DSCAML1: variants seen among roughly 807,000 people sequenced by gnomAD.
DSCAML1 encodes the protein cell adhesion molecule DSCAML1.
DSCAML1 carries 38 observed loss-of-function variants against 200.5 expected under a neutral mutation model. The ratio of observed to expected loss-of-function variants is 0.19; its 90% CI spans 0.15 to 0.25. The LOEUF is 0.25. Ranked by LOEUF, DSCAML1 falls within the 10% of genes least tolerant of loss-of-function variation. The probability of loss-of-function intolerance (pLI) is 1.00; values close to 1 mark genes in which losing one functional copy is unlikely to be tolerated. For missense variants in DSCAML1, 2,223 were observed against 2,858.8 expected, an observed-to-expected ratio of 0.78 and a Z score of 5.07; for synonymous variants, 1,215 against 1,165.0, an observed-to-expected ratio of 1.04 and a Z score of -0.87.
At chr11:117,450,759 G>T (rs2048268161) in intron 19 of DSCAML1, 71 bp from the exon 20 acceptor site, 1 of 1,535,966 alleles carries the variant, frequency 6.5e-7, no homozygotes. Flanking sequence ...TGACAGAGTT[G>T]GGAGAGGGAG....
chr11:117,442,222 TAG>T (rs2048073118), intron 21 of DSCAML1, among the ~76,000 whole-genome samples: 1 of 131,828 alleles, frequency 7.6e-6, no homozygotes. Flanking sequence ...TTAGTGTGTC[TAG>T]TGTGTGTGTG....
At chr11:117,546,739 ACGGTGGCTAG>A (rs1362233519) in intron 3 of DSCAML1, among the ~76,000 whole-genome samples, 1 of 152,136 alleles carries the variant, frequency 6.6e-6, no homozygotes, top group Non-Finnish European at 1.5e-5. Flanking sequence ...GTGCAGAGGC[ACGGTGGCTAG>A]TTCTCTCTCT....
Position 117,642,986 on chromosome 11 carries a change from C to T in DSCAML1, c.512-110464G>A, listed in dbSNP as rs1378538729. Among the ~76,000 whole-genome samples the T allele has an allele frequency of 6.6e-6, 1 of 152,210 alleles. No individual in the cohort carries two copies. The highest frequency in any genetic ancestry group is 1.9e-4 in the East Asian group (1 of 5,202). ...AAACTCCTTTGATTTGCCTGTATTG[C>T]AATCTTCACTGAAACCTTTAACCCT... On this transcript the variant is annotated intron_variant, in intron 3 of 32. Transcript: ENST00000651296. The surrounding 1 kb of genome is among the most constrained non-coding windows in gnomAD (Gnocchi z 4.1).
intron 3 of DSCAML1, among the ~76,000 whole-genome samples, chr11:117,727,117 A>G (rs1307892573): frequency 6.6e-6 from 1 of 152,168 alleles, no homozygotes; most frequent in African/African-American, 2.4e-5. Flanking sequence ...CTTACCCCAC[A>G]TTTATAAATG....
At chr11:117,434,421 T>G (rs1400220173) in intron 27 of DSCAML1, among the ~76,000 whole-genome samples, 1 of 152,192 alleles carries the variant, frequency 6.6e-6, no homozygotes, top group African/African-American at 2.4e-5. Flanking sequence ...AACCACTCCT[T>G]TAACCATTCA....
chr11:117,637,687 A>G (rs1304891666), intron 3 of DSCAML1, among the ~76,000 whole-genome samples: 1 of 152,202 alleles, frequency 6.6e-6, no homozygotes, highest in Non-Finnish European at 1.5e-5. Flanking sequence ...TCAGAGAGAA[A>G]ATGAAATAGA....
At chr11:117,764,171 T>A (rs1293752180) in intron 3 of DSCAML1, among the ~76,000 whole-genome samples, 3 of 152,166 alleles carry the variant, frequency 2.0e-5, no homozygotes, top group Non-Finnish European at 4.4e-5. Context: ...CAGTGGTTCA[T>A]CCAAGGCTGT....
At chr11:117,692,323 T>C (rs2053510294) in intron 3 of DSCAML1, among the ~76,000 whole-genome samples, 1 of 152,124 alleles carries the variant, frequency 6.6e-6, no homozygotes, top group East Asian at 1.9e-4. Context: ...CTTTTGCCTG[T>C]CACTTTCTCC....
chr11:117,723,630 A>T (rs979943249), intron 3 of DSCAML1, among the ~76,000 whole-genome samples: 1 of 152,204 alleles, frequency 6.6e-6, no homozygotes, highest in Non-Finnish European at 1.5e-5. Context: ...GCTGTTTTAG[A>T]AGCCTGCCCG....
intron 3 of DSCAML1, among the ~76,000 whole-genome samples, chr11:117,712,804 C>T (rs568367580): frequency 6.6e-5 from 10 of 152,010 alleles, no homozygotes; most frequent in Non-Finnish European, 1.5e-4. Flanking sequence ...TCTGGGCCTG[C>T]GGCTTTGTGT....
chr11:117,507,020 T>C (rs2049513795), intron 8 of DSCAML1, among the ~76,000 whole-genome samples: 1 of 152,010 alleles, frequency 6.6e-6, no homozygotes, highest in Non-Finnish European at 1.5e-5. Context: ...ACACTGCCTA[T>C]GTCTCAGCCC....
At chr11:117,521,652 C>T (rs2049889476) in intron 5 of DSCAML1, among the ~76,000 whole-genome samples, 1 of 152,096 alleles carries the variant, frequency 6.6e-6, no homozygotes, top group Non-Finnish European at 1.5e-5. Flanking sequence ...GCCTGTGCTC[C>T]CCTAAAACGT....
At chr11:117,717,931 G>A (rs1186291298) in intron 3 of DSCAML1, among the ~76,000 whole-genome samples, 3 of 152,182 alleles carry the variant, frequency 2.0e-5, no homozygotes, top group Non-Finnish European at 4.4e-5. Context: ...GGTGAGAAGA[G>A]GAGTGCAGGT....
At chr11:117,440,409 A>G (rs2048019325) in intron 21 of DSCAML1, among the ~76,000 whole-genome samples, 1 of 152,218 alleles carries the variant, frequency 6.6e-6, no homozygotes, top group African/African-American at 2.4e-5. Context: ...CTTTATAAGC[A>G]GGGAAGGAGA....
rs1189328672 is a variant in DSCAML1, at chr11:117,480,699, G to A, written c.2657-128C>T. 5.6e-6 allele frequency: 6 copies of A among 1,074,478 alleles called. No homozygotes were observed. The highest frequency in any genetic ancestry group is 8.0e-6 in the Non-Finnish European group (6 of 749,048). The allele number at this position is 1,074,478 out of a possible 1,614,324, so 66.6% of individuals were successfully genotyped here. A position where few individuals can be genotyped will look rare whatever the true frequency, so the allele number is the denominator to read the frequency against. ...TCTGGCACCCTAGGGTTTGAGCAGG[G>A]TGGGGGCTGGAGGAGGCCAGCAGCC... is the stretch of plus-strand genomic sequence containing the variant. On this transcript the variant is annotated intron_variant, in intron 13 of 32. Coordinates refer to ENST00000651296, the MANE Select transcript of DSCAML1 (RefSeq NM_020693.4). This position sits in a 1 kb window ranked among gnomAD's most constrained non-coding sequence, Gnocchi z 4.1.
chr11:117,430,537 A>G (rs192639882), intron 32 of DSCAML1, among the ~76,000 whole-genome samples, 185 bp downstream of exon 32: 318 of 152,364 alleles, frequency 2.1e-3, no homozygotes, highest in African/African-American at 7.3e-3. Context: ...GAAGAGGTTA[A>G]GCCAGGATGT....
intron 3 of DSCAML1, among the ~76,000 whole-genome samples, chr11:117,669,618 G>C (rs1258603332): frequency 1.3e-5 from 2 of 152,202 alleles, no homozygotes; most frequent in Non-Finnish European, 2.9e-5. Context: ...AACAAAGATG[G>C]GAGTGTTCAG....
intron 29 of DSCAML1, among the ~76,000 whole-genome samples, chr11:117,432,870 C>T (rs1038913276): frequency 5.9e-5 from 9 of 151,968 alleles, no homozygotes; most frequent in South Asian, 4.2e-4. Flanking sequence ...CTTGGCCTCC[C>T]GAAGTGCTGG....
intron 19 of DSCAML1, among the ~76,000 whole-genome samples, chr11:117,454,017 T>A (rs927457357): frequency 6.6e-6 from 1 of 152,180 alleles, no homozygotes; most frequent in African/African-American, 2.4e-5. Context: ...GCAGATTTTT[T>A]AAATGTGTGA....
Sources: allele counts gnomAD v4.1 joint callset (sites outside exome capture counted in the v4.1 genomes callset), GRCh38; gene constraint gnomAD v4.1.1; non-coding constraint Gnocchi (gnomAD v3.1); transcripts MANE v1.5; gene names NCBI Gene and HGNC (gene_info 2026-07-23, HGNC 2026-07-21).